Variants in UTS2B observed in about 807,000 individuals in gnomAD.
UTS2B encodes the protein urotensin 2B.
In UTS2B, 21 loss-of-function variants were observed where a neutral mutation model predicts 19.2. The observed-to-expected ratio is 1.09, with a 90% confidence interval of 0.78 to 1.58. UTS2B has a LOEUF of 1.58. UTS2B is among the 40% of genes most tolerant of loss of function. The pLI, the probability that UTS2B is intolerant of heterozygous loss-of-function variation, is 0.00. For missense variants in UTS2B, 138 were observed against 130.3 expected (o/e 1.06, Z -0.29); for synonymous variants, 57 against 50.2 (o/e 1.14, Z -0.58).
intron 8 of UTS2B, among the ~76,000 whole-genome samples, chr3:191,274,018 C>A (rs948252900): frequency 1.3e-5 from 2 of 152,012 alleles, no homozygotes; most frequent in African/African-American, 4.8e-5. Flanking sequence ...AGGAGAATTG[C>A]TTGAACCCCA....
intron 3 of UTS2B, 144 bp from the exon 4 acceptor site, chr3:191,304,692 G>A (rs1245712840): frequency 1.3e-5 from 2 of 152,066 alleles, no homozygotes; most frequent in Admixed American, 6.6e-5. Flanking sequence ...AAGTTCAGTG[G>A]TACATGTGCA....
chr3:191,314,329 G>A (rs1717389888), intron 3 of UTS2B, among the ~76,000 whole-genome samples: 1 of 152,130 alleles, frequency 6.6e-6, no homozygotes, highest in African/African-American at 2.4e-5. Flanking sequence ...TACTCCACAA[G>A]TTCCAATTGG....
chr3:191,342,318 A>G, the UTS2B span, among the ~76,000 whole-genome samples: 1 of 152,214 alleles, frequency 6.6e-6, no homozygotes, highest in Non-Finnish European at 1.5e-5. Flanking sequence ...TATCTAAAGT[A>G]AAGTTGTTGG....
chr3:191,322,004 G>T (rs977906119), intron 2 of UTS2B, among the ~76,000 whole-genome samples: 4 of 152,110 alleles, frequency 2.6e-5, no homozygotes. Context: ...TCCAGCCTGG[G>T]TGACAAGAGA....
intron 3 of UTS2B, among the ~76,000 whole-genome samples, chr3:191,307,438 A>G (rs1717169596): frequency 6.6e-6 from 1 of 152,230 alleles, no homozygotes; most frequent in Non-Finnish European, 1.5e-5. Flanking sequence ...ATAAGAGGAA[A>G]ACGAAAAGTG....
intron 4 of UTS2B, among the ~76,000 whole-genome samples, chr3:191,289,605 AAAG>A (rs1716659226): frequency 6.6e-6 from 1 of 152,158 alleles, no homozygotes; most frequent in Non-Finnish European, 1.5e-5. Context: ...CAGTCATTTA[AAAG>A]AAGAAAATCC....
intron 4 of UTS2B, among the ~76,000 whole-genome samples, chr3:191,295,342 G>T (rs1300693882): frequency 4.6e-5 from 7 of 152,064 alleles, no homozygotes; most frequent in African/African-American, 1.7e-4. Flanking sequence ...TATCTCTGCA[G>T]TGTCTCCATT....
Position 191,309,181 on chromosome 3 carries a change from T to G in UTS2B, c.-181-4633A>C, listed in dbSNP as rs1045034271. 8.5e-5 allele frequency among the ~76,000 whole-genome samples: 13 copies of G among 152,202 alleles called. 1 individual carries two copies. Among genetic ancestry groups the G allele is most frequent in the African/African-American group, 2.9e-4 (12 of 41,450 alleles). On this transcript the variant is annotated intron_variant, in intron 3 of 8. Coordinates refer to ENST00000340524, the MANE Select transcript of UTS2B (RefSeq NM_198152.5). ...CTTTCTTGTTTTGTTTGTTTTTTTT[T>G]AAAACGGAGTCTCGCTCTCGCCCAG...
chr3:191,309,109 A>G (rs1717219117), intron 3 of UTS2B, among the ~76,000 whole-genome samples: 1 of 152,170 alleles, frequency 6.6e-6, no homozygotes, highest in African/African-American at 2.4e-5. Flanking sequence ...TCAATTCTGA[A>G]TGGGTGTCCA....
At chr3:191,297,610 G>A (rs1354809878) in intron 4 of UTS2B, among the ~76,000 whole-genome samples, 1 of 152,160 alleles carries the variant, frequency 6.6e-6, no homozygotes, top group Non-Finnish European at 1.5e-5. Context: ...AAGTCAAAGT[G>A]TAGGTCTCCC....
At chr3:191,288,888 A>C (rs945986607) in intron 4 of UTS2B, among the ~76,000 whole-genome samples, 1 of 151,124 alleles carries the variant, frequency 6.6e-6, no homozygotes, top group African/African-American at 2.4e-5. Context: ...TGATTTTTTG[A>C]GATACGATTC....
chr3:191,344,954 CA>C, the UTS2B span, among the ~76,000 whole-genome samples: 1 of 152,146 alleles, frequency 6.6e-6, no homozygotes, highest in Admixed American at 6.5e-5. Context: ...CTCACATCCT[CA>C]AATGCACATC....
At chr3:191,302,438 T>C (rs765970584) in intron 4 of UTS2B, among the ~76,000 whole-genome samples, 1 of 152,188 alleles carries the variant, frequency 6.6e-6, no homozygotes. Context: ...GGAGTAGCCA[T>C]ACTTGTATTC....
chr3:191,327,192 C>T (rs578165848), intron 2 of UTS2B, among the ~76,000 whole-genome samples: 25 of 152,290 alleles, frequency 1.6e-4, no homozygotes, highest in African/African-American at 6.0e-4. Flanking sequence ...GAGGTATTAA[C>T]TGGGTTAAGA....
intron 1 of UTS2B, among the ~76,000 whole-genome samples, chr3:191,329,973 CAAGT>C (rs1717907064): frequency 7.4e-6 from 1 of 135,910 alleles, no homozygotes; most frequent in Non-Finnish European, 1.6e-5. Context: ...GCAGCCCCAG[CAAGT>C]AGGTGGCTGT....
intron 1 of UTS2B, chr3:191,329,393 C>T (rs1717858704): frequency 2.5e-6 from 1 of 405,394 alleles, no homozygotes; most frequent in Non-Finnish European, 4.3e-6. Context: ...GGCCCCGGTC[C>T]ATTTCCGGGC....
intron 4 of UTS2B, among the ~76,000 whole-genome samples, chr3:191,284,247 G>A (rs1716470832): frequency 6.6e-6 from 1 of 151,980 alleles, no homozygotes; most frequent in Admixed American, 6.6e-5. Context: ...AATTCTCATG[G>A]GTAAGAAGTT....
intron 6 of UTS2B, 107 bp downstream of exon 6, chr3:191,277,965 A>G (rs1576914724): frequency 6.8e-6 from 4 of 588,678 alleles, no homozygotes; most frequent in Non-Finnish European, 1.2e-5. Flanking sequence ...CATATAAAAG[A>G]GTAATTATTT....
chr3:191,304,896 C>A (rs1056105598), intron 3 of UTS2B, among the ~76,000 whole-genome samples: 4 of 152,154 alleles, frequency 2.6e-5, no homozygotes, highest in Non-Finnish European at 5.9e-5. Flanking sequence ...CATTATTTAG[C>A]TCCCTCTTAC....
Sources: allele counts gnomAD v4.1 joint callset (sites outside exome capture counted in the v4.1 genomes callset), GRCh38; gene constraint gnomAD v4.1.1; transcripts MANE v1.5; gene names NCBI Gene and HGNC (gene_info 2026-07-23, HGNC 2026-07-21).